The following TEX11 variants were observed in gnomAD, a reference collection of about 807,000 sequenced individuals.
TEX11 encodes the protein testis expressed 11, also known as testis-expressed protein 11.
TEX11 carries 7 observed loss-of-function variants against 84.4 expected under a neutral mutation model. The observed-to-expected ratio is 0.08, with a 90% CI of 0.05 to 0.16. The LOEUF is 0.16. TEX11 is among the 10% of genes least tolerant of loss of function. The pLI is 1.00. For missense variants in TEX11, 551 were observed against 660.5 expected (o/e 0.83, Z 1.82); for synonymous variants, 264 against 222.8 (o/e 1.18, Z -1.64).
chrX:70,753,512 T>A (rs2090845272), intron 9 of TEX11, among the ~76,000 whole-genome samples: 1 of 109,061 alleles, frequency 9.2e-6, no homozygotes, highest in African/African-American at 3.3e-5. Flanking sequence ...CCCACTACCT[T>A]GAAGGGAAGG....
intron 20 of TEX11, among the ~76,000 whole-genome samples, chrX:70,620,129 C>T (rs138971742): frequency 6.3e-5 from 7 of 110,969 alleles, no homozygotes; most frequent in African/African-American, 2.0e-4. Context: ...CGGCCATGTG[C>T]CAGTGTCTTT....
At chrX:70,869,731 T>C (rs1440411238) in intron 4 of TEX11, among the ~76,000 whole-genome samples, 5 of 109,676 alleles carry the variant, frequency 4.6e-5, no homozygotes, top group Non-Finnish European at 9.5e-5. Flanking sequence ...GAGTCAATAT[T>C]GCACCACTGC....
At chrX:70,566,565 T>G (rs1199858609) in intron 25 of TEX11, among the ~76,000 whole-genome samples, 2 of 111,349 alleles carry the variant, frequency 1.8e-5, no homozygotes, top group African/African-American at 6.5e-5. Context: ...CTTATTATTT[T>G]GAAATACATC....
At chrX:70,614,843 A>C (rs770216374) in intron 20 of TEX11, among the ~76,000 whole-genome samples, 7 of 111,170 alleles carry the variant, frequency 6.3e-5, no homozygotes, top group Non-Finnish European at 1.1e-4. Flanking sequence ...AAAGAGCGAG[A>C]GAGAGAGAGA....
intron 11 of TEX11, among the ~76,000 whole-genome samples, chrX:70,734,054 A>T (rs1228061032): frequency 1.4e-4 from 15 of 110,873 alleles, no homozygotes; most frequent in African/African-American, 4.9e-4. Context: ...TATCGCAAGG[A>T]CAAAAAACCA....
intron 15 of TEX11, among the ~76,000 whole-genome samples, chrX:70,672,571 G>A (rs1799735300): frequency 9.0e-6 from 1 of 111,495 alleles, no homozygotes; most frequent in South Asian, 3.7e-4. Flanking sequence ...TCTCCTTGGG[G>A]TTTTCGTTTG....
intron 7 of TEX11, among the ~76,000 whole-genome samples, chrX:70,850,644 A>T (rs2147850741): frequency 9.1e-6 from 1 of 110,138 alleles, no homozygotes; most frequent in African/African-American, 3.3e-5. Context: ...AGTCTTACCT[A>T]CTCGGGAGGT....
intron 9 of TEX11, among the ~76,000 whole-genome samples, chrX:70,763,880 A>G (rs2090924540): frequency 8.9e-6 from 1 of 112,154 alleles, no homozygotes; most frequent in East Asian, 2.8e-4. Flanking sequence ...ACTTCATACA[A>G]TAATAGCTGT....
intron 13 of TEX11, among the ~76,000 whole-genome samples, chrX:70,710,038 G>A (rs2090412670): frequency 9.0e-6 from 1 of 110,624 alleles, no homozygotes; most frequent in Admixed American, 9.8e-5. Context: ...TAGTCTAACT[G>A]CAATTCAAGA....
At chrX:70,898,049 T>G (rs1052341831) in intron 2 of TEX11, among the ~76,000 whole-genome samples, 1 of 111,254 alleles carries the variant, frequency 9.0e-6, no homozygotes, top group Non-Finnish European at 1.9e-5. Flanking sequence ...CCTTGTAAAA[T>G]TTAGTTCAAC....
At chrX:70,830,428 C>T (rs1214083601) in intron 8 of TEX11, among the ~76,000 whole-genome samples, 1 of 111,125 alleles carries the variant, frequency 9.0e-6, no homozygotes, top group Non-Finnish European at 1.9e-5. Flanking sequence ...TTGGATATGA[C>T]CCCCACAGGT....
chrX:70,526,134 A>T (rs1024968656), downstream of TEX11, among the ~76,000 whole-genome samples: 1 of 111,715 alleles, frequency 9.0e-6, no homozygotes, highest in Non-Finnish European at 1.9e-5. Flanking sequence ...CAAAATGAGT[A>T]GGAGATTGGG....
intron 25 of TEX11, among the ~76,000 whole-genome samples, chrX:70,565,009 A>C (rs867523606): frequency 3.8e-5 from 4 of 106,373 alleles, no homozygotes; most frequent in Non-Finnish European, 5.8e-5. Flanking sequence ...GAACTAGTTT[A>C]CAGTCCCACC....
intron 9 of TEX11, among the ~76,000 whole-genome samples, chrX:70,760,350 C>T (rs1163770748): frequency 9.0e-6 from 1 of 111,715 alleles, no homozygotes. Flanking sequence ...ATCATGCTAC[C>T]TGACTTCAAA....
intron 13 of TEX11, among the ~76,000 whole-genome samples, chrX:70,706,991 C>T (rs550983792): frequency 1.8e-5 from 2 of 111,293 alleles, no homozygotes; most frequent in Non-Finnish European, 3.8e-5. Flanking sequence ...ACTTCTCTAA[C>T]TTTATATTTC....
intron 9 of TEX11, 98 bp downstream of exon 9, chrX:70,806,607 C>T: frequency 5.6e-6 from 3 of 535,234 alleles, no homozygotes; most frequent in Non-Finnish European, 9.4e-6. Flanking sequence ...CTTCTGAAGT[C>T]AGAGAAGGTT....
intron 2 of TEX11, among the ~76,000 whole-genome samples, chrX:70,901,822 A>G (rs2091805011): frequency 8.9e-6 from 1 of 112,704 alleles, no homozygotes; most frequent in Non-Finnish European, 1.9e-5. Flanking sequence ...GCTATATGGT[A>G]TAGCCTATTG....
chrX:70,801,629 CT>C (rs1413918085), intron 9 of TEX11, among the ~76,000 whole-genome samples: 1 of 2,473 alleles, frequency 4.0e-4, no homozygotes, highest in African/African-American at 4.5e-3. Flanking sequence ...CTTTTATTTT[CT>C]TTCTTTCTTT....
intron 27 of TEX11, among the ~76,000 whole-genome samples, chrX:70,552,576 G>A (rs1285224071): frequency 9.0e-6 from 1 of 111,264 alleles, no homozygotes; most frequent in Non-Finnish European, 1.9e-5. Flanking sequence ...AAATGGGCAA[G>A]GGAACTGGGG....
Sources: gnomAD v4.1 joint callset for allele counts (sites outside exome capture counted in the v4.1 genomes callset) on GRCh38, gnomAD v4.1.1 for gene constraint, MANE v1.5 for transcripts, NCBI Gene and HGNC (gene_info 2026-07-23, HGNC 2026-07-21) for gene names.